Variants in CSMD3 observed in about 807,000 individuals in gnomAD.
The protein encoded by CSMD3 is CUB and Sushi multiple domains 3, also known as CUB and sushi domain-containing protein 3.
A neutral mutation model predicts 435.2 loss-of-function variants in CSMD3; 177 were observed. The observed-to-expected ratio is 0.41, with a 90% CI of 0.36 to 0.46. The LOEUF is 0.46. Among genes scored for constraint, CSMD3 ranks in the 20% least tolerant of loss-of-function variants. The pLI, the probability that CSMD3 is intolerant of heterozygous loss-of-function variation, is 0.34. For synonymous variants in CSMD3, 1,656 were observed against 1,520.5 expected, an observed-to-expected ratio of 1.09 and a Z score of -2.07; for missense variants, 4,265 against 4,504.6, an observed-to-expected ratio of 0.95 and a Z score of 1.52.
chr8:112,773,743 T>G (rs1397842635), intron 13 of CSMD3, among the ~76,000 whole-genome samples: 2 of 152,018 alleles, frequency 1.3e-5, no homozygotes, highest in Non-Finnish European at 2.9e-5. Flanking sequence ...TTTGGCAAAT[T>G]AACCGATAGT....
rs147308816 is a variant in CSMD3, at chr8:113,373,208, C to T, written c.179-58415G>A. On this transcript the variant is annotated intron_variant, in intron 1 of 70. Coordinates refer to ENST00000297405, the MANE Select transcript of CSMD3 (RefSeq NM_198123.2). ...CACACACAGATGGTATTCCTATATT[C>T]TGTGCTTTCATATGTAACACCTGCT... Among the ~76,000 whole-genome samples the T allele has an allele frequency of 8.3e-3, 1,263 of 152,180 alleles. 17 individuals are homozygous for T. The highest frequency in any genetic ancestry group is 0.028 in the African/African-American group (1,183 of 41,530).
In CSMD3 at chr8:112,755,590, A is replaced by C. The variant is rs554974322; in HGVS notation, c.1972+44572T>G. Among the ~76,000 whole-genome samples the C allele has an allele frequency of 2.5e-4, 37 of 150,478 alleles. 1 individual carries two copies. The highest frequency in any genetic ancestry group is 8.2e-4 in the African/African-American group (34 of 41,284). ...CTCAATTAAACCTCTTTCCTTTATA[A>C]ATTACCCAGTCTCAGGTATGTCTTT... On this transcript the variant is annotated intron_variant, in intron 13 of 70. Coordinates refer to ENST00000297405, the MANE Select transcript of CSMD3 (RefSeq NM_198123.2).
At chr8:112,319,426 A>C (rs1200323486) in intron 46 of CSMD3, among the ~76,000 whole-genome samples, 1 of 152,178 alleles carries the variant, frequency 6.6e-6, no homozygotes, top group Admixed American at 6.5e-5. Flanking sequence ...GTGTGGCATT[A>C]TTTGGGTTGA....
At chr8:113,336,111 CCTA>C (rs1458333440) in intron 1 of CSMD3, among the ~76,000 whole-genome samples, 1 of 151,800 alleles carries the variant, frequency 6.6e-6, no homozygotes, top group East Asian at 1.9e-4. Flanking sequence ...ATTTTTTTGG[CCTA>C]CTTTCTTCCT....
intron 32 of CSMD3, among the ~76,000 whole-genome samples, chr8:112,438,813 C>A (rs1023706325): frequency 6.6e-6 from 1 of 152,134 alleles, no homozygotes; most frequent in Admixed American, 6.5e-5. Context: ...ATTATAACCC[C>A]ATATAGCTAC....
At chr8:113,055,292 G>C (rs1180553956) in intron 5 of CSMD3, among the ~76,000 whole-genome samples, 4 of 152,134 alleles carry the variant, frequency 2.6e-5, no homozygotes, top group Non-Finnish European at 5.9e-5. Flanking sequence ...TGGGATTACA[G>C]ACGTTAAGCC....
chr8:112,537,993 G>T (rs1214057493), intron 27 of CSMD3, among the ~76,000 whole-genome samples: 1 of 152,008 alleles, frequency 6.6e-6, no homozygotes, highest in African/African-American at 2.4e-5. Flanking sequence ...ATCATTTACT[G>T]TGATCAAGTG....
intron 61 of CSMD3, 94 bp downstream of exon 61, chr8:112,263,545 T>C: frequency 2.1e-6 from 2 of 953,710 alleles, no homozygotes; most frequent in Non-Finnish European, 3.3e-6. Flanking sequence ...CTTTGAACCC[T>C]AATTAGGCAT....
At chr8:112,949,683 A>C (rs997176888) in intron 8 of CSMD3, among the ~76,000 whole-genome samples, 3 of 152,036 alleles carry the variant, frequency 2.0e-5, no homozygotes, top group Non-Finnish European at 4.4e-5. Context: ...CCTACAATAC[A>C]TCTTGAATAC....
At position 112,503,985 on chromosome 8, in the gene CSMD3, A is replaced by C. The variant is rs1189876799; in HGVS notation, c.4896-8T>G. 9 of 1,539,540 alleles carry C rather than the reference A, an allele frequency of 5.8e-6. No individual in the cohort carries two copies. Among genetic ancestry groups the C allele is most frequent in the Non-Finnish European group, 8.1e-6 (9 of 1,116,948 alleles). On this transcript the variant is annotated splice_polypyrimidine_tract_variant and splice_region_variant and intron_variant, in intron 29 of 70. Coordinates refer to ENST00000297405, the MANE Select transcript of CSMD3 (RefSeq NM_198123.2). ...TTTGGTTCTATGCTAAAACTGAAAA[A>C]AAAAAGGAAAGAACAAAAGAAAGAA...
chr8:113,414,069 C>T (rs183105952), intron 1 of CSMD3, among the ~76,000 whole-genome samples: 17 of 152,092 alleles, frequency 1.1e-4, no homozygotes, highest in East Asian at 5.8e-4. Flanking sequence ...GAGCTGAGGA[C>T]GGAAGTGAGA....
intron 16 of CSMD3, among the ~76,000 whole-genome samples, chr8:112,681,217 A>G (rs944543843): frequency 1.3e-5 from 2 of 150,688 alleles, no homozygotes; most frequent in African/African-American, 2.4e-5. Flanking sequence ...TTTCTTATTA[A>G]TATTATTATT....
intron 13 of CSMD3, among the ~76,000 whole-genome samples, chr8:112,712,474 A>G (rs2076629892): frequency 6.6e-6 from 1 of 152,088 alleles, no homozygotes; most frequent in Admixed American, 6.6e-5. Context: ...TTTATGGGAC[A>G]GTGAGGAGAT....
Position 112,859,281 on chromosome 8 carries a change from G to T in CSMD3, c.1634-15C>A, listed in dbSNP as rs2080757380. ...ACACGTTTTCACTAAAAGAGAAATTGCATTTTAAAAGATGAACATATGTCA... is the reference window on the plus strand; with the variant it reads ...ACACGTTTTCACTAAAAGAGAAATTTCATTTTAAAAGATGAACATATGTCA... On this transcript the variant is annotated splice_polypyrimidine_tract_variant and intron_variant, in intron 10 of 70. Transcript: ENST00000297405. The T allele has an allele frequency of 1.2e-6, 2 of 1,607,058 alleles. No individual in the cohort carries two copies. Among genetic ancestry groups the T allele is most frequent in the Non-Finnish European group, 1.7e-6 (2 of 1,174,480 alleles).
At chr8:112,599,926 G>A (rs920930114) in intron 22 of CSMD3, among the ~76,000 whole-genome samples, 1 of 147,020 alleles carries the variant, frequency 6.8e-6, no homozygotes, top group Non-Finnish European at 1.5e-5. Flanking sequence ...GCTAGATGAC[G>A]AGTTAGTGGG....
chr8:112,989,656 CT>C (rs1157396373), intron 6 of CSMD3, among the ~76,000 whole-genome samples: 1 of 151,984 alleles, frequency 6.6e-6, no homozygotes, highest in African/African-American at 2.4e-5. Context: ...TGTGACCCTA[CT>C]AAGAGATGGA....
chr8:112,772,835 C>A (rs1350844370), intron 13 of CSMD3, among the ~76,000 whole-genome samples: 1 of 152,040 alleles, frequency 6.6e-6, no homozygotes, highest in African/African-American at 2.4e-5. Flanking sequence ...ACATCAAAAG[C>A]ACAGCACTTT....
chr8:113,209,651 G>T (rs763132811), intron 3 of CSMD3, among the ~76,000 whole-genome samples: 1 of 152,028 alleles, frequency 6.6e-6, no homozygotes, highest in African/African-American at 2.4e-5. Context: ...TGAGATTTCC[G>T]GTATTTCATA....
intron 38 of CSMD3, among the ~76,000 whole-genome samples, chr8:112,363,583 G>C (rs894158925): frequency 2.0e-5 from 3 of 151,888 alleles, no homozygotes; most frequent in Non-Finnish European, 4.4e-5. Context: ...CCTAGCTCAT[G>C]ATATAACTAG....
Sources: allele counts gnomAD v4.1 joint callset (sites outside exome capture counted in the v4.1 genomes callset), GRCh38; gene constraint gnomAD v4.1.1; transcripts MANE v1.5; gene names NCBI Gene and HGNC (gene_info 2026-07-23, HGNC 2026-07-21).